LYPD6: variants seen among roughly 807,000 people sequenced by gnomAD.
LYPD6 encodes LY6/PLAUR domain containing 6.
A neutral mutation model predicts 22.7 loss-of-function variants in LYPD6; 15 were observed. The observed-to-expected ratio is 0.66, with a 90% CI of 0.44 to 1.02. The LOEUF is 1.02. Ranked by LOEUF, LYPD6 falls within the 50% of genes least tolerant of loss-of-function variation. The probability of loss-of-function intolerance (pLI) is 0.00; values close to 1 mark genes in which losing one functional copy is unlikely to be tolerated. For missense variants in LYPD6, 189 were observed against 208.4 expected (o/e 0.91, Z 0.57); for synonymous variants, 72 against 77.5 (o/e 0.93, Z 0.37).
intron 3 of LYPD6, among the ~76,000 whole-genome samples, chr2:149,454,342 T>C (rs994974692): frequency 2.0e-5 from 3 of 152,340 alleles, no homozygotes; most frequent in African/African-American, 4.8e-5. Context: ...GAGACTGTTA[T>C]CATTGAGCAT....
At chr2:149,340,687 T>A (rs10186766) in intron 1 of LYPD6, among the ~76,000 whole-genome samples, 91,928 of 152,106 alleles carry the variant, frequency 0.6, 28,148 homozygotes, top group East Asian at 0.9. Flanking sequence ...TTCCCAGATG[T>A]GTAGGAACCA....
At chr2:149,332,990 T>G (rs1306312564) in intron 1 of LYPD6, among the ~76,000 whole-genome samples, 1 of 152,240 alleles carries the variant, frequency 6.6e-6, no homozygotes, top group East Asian at 1.9e-4. Context: ...AGGAGAGATG[T>G]GTGAGAAATA....
intron 1 of LYPD6, among the ~76,000 whole-genome samples, chr2:149,417,480 C>T (rs1408834678): frequency 1.3e-5 from 2 of 151,998 alleles, no homozygotes; most frequent in Non-Finnish European, 2.9e-5. Flanking sequence ...AGGCCATAGG[C>T]ATGATGAAGA....
chr2:149,453,202 G>T (rs1255614823), intron 3 of LYPD6, among the ~76,000 whole-genome samples: 1 of 152,134 alleles, frequency 6.6e-6, no homozygotes, highest in African/African-American at 2.4e-5. Flanking sequence ...ATCACATTAC[G>T]TTAGGAGCCA....
chr2:149,350,933 C>A (rs566892454), intron 1 of LYPD6, among the ~76,000 whole-genome samples: 7 of 152,334 alleles, frequency 4.6e-5, no homozygotes, highest in Non-Finnish European at 7.3e-5. Flanking sequence ...AGGGACATGG[C>A]ACCCCTGCTT....
intron 1 of LYPD6, among the ~76,000 whole-genome samples, chr2:149,425,697 A>G (rs1683175009): frequency 6.6e-6 from 1 of 152,254 alleles, no homozygotes; most frequent in Non-Finnish European, 1.5e-5. Flanking sequence ...AGACTTATAA[A>G]TGAAGATGGT....
At chr2:149,405,165 T>C (rs1442476519) in intron 1 of LYPD6, among the ~76,000 whole-genome samples, 1 of 152,100 alleles carries the variant, frequency 6.6e-6, no homozygotes, top group Non-Finnish European at 1.5e-5. Flanking sequence ...TTTGCATCAA[T>C]GTTCATCAAG....
At chr2:149,365,545 A>G (rs1290032115) in intron 1 of LYPD6, among the ~76,000 whole-genome samples, 1 of 151,558 alleles carries the variant, frequency 6.6e-6, no homozygotes, top group East Asian at 1.9e-4. Flanking sequence ...CAGTGTCTGC[A>G]TTTCTTACGC....
At chr2:149,427,185 G>A (rs752132772) in intron 1 of LYPD6, among the ~76,000 whole-genome samples, 6 of 152,130 alleles carry the variant, frequency 3.9e-5, no homozygotes, top group Non-Finnish European at 7.4e-5. Context: ...TTTGGAACCA[G>A]GTTATTTTGA....
At chr2:149,477,815 C>A (rs1445984766), downstream of LYPD6, among the ~76,000 whole-genome samples, 7 of 152,008 alleles carry the variant, frequency 4.6e-5, no homozygotes, top group Non-Finnish European at 1.5e-5. Context: ...TAATCCAATA[C>A]TTGGAAAATG....
chr2:149,459,892 A>T (rs915192193), intron 3 of LYPD6, among the ~76,000 whole-genome samples: 17 of 116,848 alleles, frequency 1.5e-4, no homozygotes, highest in African/African-American at 4.6e-4. Context: ...ACAGAGTAAG[A>T]CTTTGTCTCA....
chr2:149,485,399 G>A, the LYPD6 span, among the ~76,000 whole-genome samples: 1 of 152,314 alleles, frequency 6.6e-6, no homozygotes, highest in Non-Finnish European at 1.5e-5. Flanking sequence ...ATAGAGCAAG[G>A]ATTGCAGTTG....
intron 3 of LYPD6, among the ~76,000 whole-genome samples, chr2:149,459,954 G>C (rs1242151212): frequency 6.6e-6 from 1 of 151,384 alleles, no homozygotes. Flanking sequence ...GGCATAAAAA[G>C]AGGTAAGTTT....
rs187375792 is a variant in LYPD6 at position 149,461,101 on chromosome 2, C to T, written c.218-7544C>T. Among the ~76,000 whole-genome samples the T allele has an allele frequency of 1.4e-3, 216 of 151,790 alleles. 1 individual carries two copies. The highest frequency in any genetic ancestry group is 5.1e-3 in the African/African-American group (210 of 41,452). On this transcript the variant is annotated intron_variant, in intron 3 of 4. Coordinates refer to ENST00000334166, the MANE Select transcript of LYPD6 (RefSeq NM_194317.5). ...AAAACAAACCAAAAGTCAAACAAAG[C>T]AAGACTAAGCAAAAATCAGGAAATA...
chr2:149,460,196 A>G (rs921158296), intron 3 of LYPD6, among the ~76,000 whole-genome samples: 1 of 152,228 alleles, frequency 6.6e-6, no homozygotes, highest in South Asian at 2.1e-4. Context: ...AACTACCTTA[A>G]ATGTAAATGG....
intron 1 of LYPD6, among the ~76,000 whole-genome samples, chr2:149,435,376 T>A (rs1683407542): frequency 1.3e-5 from 2 of 152,268 alleles, no homozygotes; most frequent in Non-Finnish European, 2.9e-5. Context: ...TGTTTACAGT[T>A]ACACACATAA....
intron 1 of LYPD6, among the ~76,000 whole-genome samples, chr2:149,382,759 AAGT>A (rs201695457): frequency 3.6e-5 from 2 of 55,378 alleles, no homozygotes; most frequent in African/African-American, 2.4e-4. Flanking sequence ...ATCTGTAGAA[AAGT>A]AGTAGATTTG....
chr2:149,364,660 T>A (rs1681628292), intron 1 of LYPD6, among the ~76,000 whole-genome samples: 3 of 151,972 alleles, frequency 2.0e-5, no homozygotes, highest in Admixed American at 1.3e-4. Context: ...TCCTCTCTCA[T>A]TGTTTCCCTG....
chr2:149,422,769 C>G (rs1287193216), intron 1 of LYPD6, among the ~76,000 whole-genome samples: 3 of 152,088 alleles, frequency 2.0e-5, no homozygotes, highest in Non-Finnish European at 4.4e-5. Flanking sequence ...TGTCTTCCCC[C>G]ATCATCTCCT....
Sources: gnomAD v4.1 joint callset for allele counts (sites outside exome capture counted in the v4.1 genomes callset) on GRCh38, gnomAD v4.1.1 for gene constraint, MANE v1.5 for transcripts, NCBI Gene and HGNC (gene_info 2026-07-23, HGNC 2026-07-21) for gene names.